The following HIVEP2 variants were observed in gnomAD, a reference collection of about 807,000 sequenced individuals.
HIVEP2 encodes transcription factor HIVEP2.
A neutral mutation model predicts 180.7 loss-of-function variants in HIVEP2; 14 were observed. That is an observed-to-expected ratio of 0.08 (90% CI 0.05 to 0.12). HIVEP2 has a LOEUF of 0.12. HIVEP2 is among the 10% of genes least tolerant of loss of function. The pLI is 1.00. For missense variants in HIVEP2, 2,579 were observed against 3,008.5 expected (o/e 0.86, Z 3.34); for synonymous variants, 1,184 against 1,136.4 (o/e 1.04, Z -0.84).
At chr6:142,905,645 T>C (rs974920123) in intron 1 of HIVEP2, among the ~76,000 whole-genome samples, 2 of 152,260 alleles carry the variant, frequency 1.3e-5, no homozygotes, top group African/African-American at 4.8e-5. Flanking sequence ...AATTCCTGCA[T>C]ATAGTTTTCA....
chr6:142,881,751 C>T (rs1267688609), intron 1 of HIVEP2, among the ~76,000 whole-genome samples: 2 of 152,138 alleles, frequency 1.3e-5, no homozygotes, highest in Admixed American at 6.5e-5. Flanking sequence ...CATACTATGC[C>T]TCCTCAGAGA....
At chr6:142,863,001 C>T (rs1041417885) in intron 1 of HIVEP2, among the ~76,000 whole-genome samples, 2 of 137,304 alleles carry the variant, frequency 1.5e-5, no homozygotes, top group Admixed American at 7.5e-5. Context: ...TATATAATTA[C>T]ATATATTATA....
At chr6:142,862,748 C>T (rs1776026826) in intron 1 of HIVEP2, among the ~76,000 whole-genome samples, 1 of 134,188 alleles carries the variant, frequency 7.5e-6, no homozygotes, top group Admixed American at 7.9e-5. Flanking sequence ...ATATATTATA[C>T]ATTACATATA....
intron 2 of HIVEP2, among the ~76,000 whole-genome samples, chr6:142,802,290 T>C (rs747850343): frequency 9.2e-5 from 14 of 152,080 alleles, no homozygotes; most frequent in South Asian, 2.1e-4. Context: ...GGTGATGAAG[T>C]TGCACACAGG....
chr6:142,867,298 A>G (rs183089128), intron 1 of HIVEP2, among the ~76,000 whole-genome samples: 15 of 152,272 alleles, frequency 9.9e-5, no homozygotes, highest in African/African-American at 3.1e-4. Context: ...TGAAGACTAC[A>G]CATCAGTGGT....
chr6:142,838,504 C>G (rs913853398), intron 1 of HIVEP2, among the ~76,000 whole-genome samples: 1 of 152,128 alleles, frequency 6.6e-6, no homozygotes, highest in East Asian at 1.9e-4. Flanking sequence ...ATTTGAATAT[C>G]TAGAGCGGCG....
At chr6:142,859,397 G>A (rs1201328701) in intron 1 of HIVEP2, among the ~76,000 whole-genome samples, 1 of 151,450 alleles carries the variant, frequency 6.6e-6, no homozygotes, top group African/African-American at 2.4e-5. Flanking sequence ...GGAGGTCGGG[G>A]CTGCAGTGAG....
intron 1 of HIVEP2, among the ~76,000 whole-genome samples, chr6:142,875,383 A>T (rs1767915432): frequency 1.3e-5 from 2 of 152,184 alleles, no homozygotes; most frequent in Admixed American, 1.3e-4. Flanking sequence ...CCTATGGGAC[A>T]TGGTGAATAG....
chr6:142,941,664 T>G (rs544975044), intron 1 of HIVEP2, among the ~76,000 whole-genome samples: 7 of 152,214 alleles, frequency 4.6e-5, no homozygotes, highest in Non-Finnish European at 8.8e-5. Flanking sequence ...CTGGATGGGT[T>G]TGAAGTTCCT....
At chr6:142,927,150 A>C (rs995408278) in intron 1 of HIVEP2, among the ~76,000 whole-genome samples, 1 of 151,968 alleles carries the variant, frequency 6.6e-6, no homozygotes. Flanking sequence ...TCCCGGAGGA[A>C]ACCGAGCTCG....
intron 1 of HIVEP2, among the ~76,000 whole-genome samples, chr6:142,939,012 A>G (rs1257091339): frequency 6.6e-6 from 1 of 152,144 alleles, no homozygotes; most frequent in African/African-American, 2.4e-5. Context: ...TTGTAATTTT[A>G]ACTATAAACA....
intron 1 of HIVEP2, among the ~76,000 whole-genome samples, chr6:142,839,339 T>C (rs1301527522): frequency 6.6e-6 from 1 of 152,066 alleles, no homozygotes; most frequent in Non-Finnish European, 1.5e-5. Flanking sequence ...TAAACTTCCT[T>C]ACTTTTAATT....
Position 142,774,945 on chromosome 6 carries a change from AAC to A in HIVEP2, c.-209_-208del. 7.2e-7 allele frequency: 1 copy of A among 1,396,408 alleles called. No homozygotes were observed. The allele number at this position is 1,396,408 out of a possible 1,614,324, so 86.5% of individuals were successfully genotyped here. On this transcript the variant is annotated 5_prime_UTR_variant, in exon 5 of 10. It removes the in-frame stop codon of an upstream open reading frame in the 5' UTR. Transcript: ENST00000367603. This position sits in a 1 kb window ranked among gnomAD's most constrained non-coding sequence, Gnocchi z 5.1. ...AGTAATGTCCTTGGACCAGGGCTAT[AAC>A]ACAGTTCTCTCCATTGTAGAAACGT...
intron 1 of HIVEP2, among the ~76,000 whole-genome samples, chr6:142,867,320 T>C (rs1384507780): frequency 1.3e-5 from 2 of 152,180 alleles, no homozygotes; most frequent in Non-Finnish European, 2.9e-5. Context: ...TTTCTTATTA[T>C]ACAAGCCAGG....
chr6:142,823,107 C>T (rs1273478812), intron 2 of HIVEP2, among the ~76,000 whole-genome samples: 1 of 152,178 alleles, frequency 6.6e-6, no homozygotes, highest in Non-Finnish European at 1.5e-5. Context: ...CCAGCTCCCC[C>T]TAGCGTCCTC....
At chr6:142,869,952 C>A (rs1053902024) in intron 1 of HIVEP2, among the ~76,000 whole-genome samples, 1 of 152,118 alleles carries the variant, frequency 6.6e-6, no homozygotes, top group African/African-American at 2.4e-5. Flanking sequence ...ATTTCTCCCA[C>A]AGAACACTGA....
At chr6:142,920,279 A>G (rs1777652827) in intron 1 of HIVEP2, among the ~76,000 whole-genome samples, 1 of 152,150 alleles carries the variant, frequency 6.6e-6, no homozygotes, top group South Asian at 2.1e-4. Context: ...TTGTCACTCA[A>G]TTATCTTTGT....
chr6:142,845,150 G>C (rs1562261608), intron 1 of HIVEP2, among the ~76,000 whole-genome samples: 2 of 152,174 alleles, frequency 1.3e-5, no homozygotes, highest in South Asian at 2.1e-4. Flanking sequence ...AAAAATCTTG[G>C]GACATCATGA....
chr6:142,907,928 T>G (rs1436271094), intron 1 of HIVEP2, among the ~76,000 whole-genome samples: 1 of 152,234 alleles, frequency 6.6e-6, no homozygotes, highest in Admixed American at 6.5e-5. Flanking sequence ...CTTCTGAAAT[T>G]TCAAGCCACT....
Sources: gnomAD v4.1 joint callset for allele counts (sites outside exome capture counted in the v4.1 genomes callset) on GRCh38, gnomAD v4.1.1 for gene constraint, Gnocchi (gnomAD v3.1) non-coding constraint, MANE v1.5 for transcripts, NCBI Gene and HGNC (gene_info 2026-07-23, HGNC 2026-07-21) for gene names.